The following PATJ variants were observed in gnomAD, a reference collection of about 807,000 sequenced individuals.
PATJ encodes inaD-like protein.
A neutral mutation model predicts 224.9 loss-of-function variants in PATJ; 190 were observed. That is an observed-to-expected ratio of 0.84 (90% CI 0.75 to 0.95). PATJ has a LOEUF of 0.95. PATJ is among the 40% of genes least tolerant of loss of function. PATJ has a pLI of 0.00. For synonymous variants in PATJ, 769 were observed against 820.3 expected (o/e 0.94, Z 1.07); for missense variants, 2,121 against 2,270.3 (o/e 0.93, Z 1.34).
At chr1:61,791,964 AG>A (rs1649964535) in intron 9 of PATJ, among the ~76,000 whole-genome samples, 1 of 152,206 alleles carries the variant, frequency 6.6e-6, no homozygotes. Flanking sequence ...CTATCTGCAA[AG>A]CTTTGGTAAC....
intron 31 of PATJ, among the ~76,000 whole-genome samples, chr1:62,055,103 G>T (rs1654322598): frequency 6.6e-6 from 1 of 152,060 alleles, no homozygotes; most frequent in African/African-American, 2.4e-5. Context: ...GTGTTTAGTT[G>T]GTTTGTGATC....
intron 17 of PATJ, among the ~76,000 whole-genome samples, chr1:61,853,934 G>A (rs1439593135): frequency 2.0e-5 from 3 of 152,090 alleles, no homozygotes; most frequent in Non-Finnish European, 4.4e-5. Context: ...TTGACTCGGG[G>A]GTAGAAAGGC....
At chr1:62,137,323 G>A (rs1667012805) in intron 41 of PATJ, among the ~76,000 whole-genome samples, 2 of 147,884 alleles carry the variant, frequency 1.4e-5, no homozygotes, top group East Asian at 4.1e-4. Context: ...GAACCCTGTT[G>A]GAGAAACAGT....
At chr1:61,793,903 A>AT (rs35202164) in intron 9 of PATJ, among the ~76,000 whole-genome samples, 43,775 of 136,974 alleles carry the variant, frequency 0.32, 7,281 homozygotes, top group East Asian at 0.49. Flanking sequence ...TTCTTCTACA[A>AT]TTTTTTTTTT....
intron 1 of PATJ, among the ~76,000 whole-genome samples, chr1:61,753,249 C>A (rs1335515118): frequency 6.6e-6 from 1 of 152,058 alleles, no homozygotes; most frequent in East Asian, 1.9e-4. Context: ...TTTTCAAACT[C>A]CCTGGTTCAA....
rs574376703 is a variant in PATJ at position 61,951,191 on chromosome 1, G to A, written c.3670+23362G>A. Among the ~76,000 whole-genome samples the A allele has an allele frequency of 8.8e-3, 1,314 of 148,486 alleles. 7 individuals carry two copies. The highest frequency in any genetic ancestry group is 0.018 in the Middle Eastern group (5 of 284). On this transcript the variant is annotated intron_variant, in intron 27 of 43. Coordinates refer to ENST00000642238, the MANE Select transcript of PATJ (RefSeq NM_001350145.3). Reference sequence around the variant, plus strand: ...GCAACTCTGTCTAAAAAAAAAAAAAGGAAAAAAAAAGTTATTTAGTAGAAT... The same window carrying A: ...GCAACTCTGTCTAAAAAAAAAAAAAAGAAAAAAAAAGTTATTTAGTAGAAT...
At chr1:61,811,372 G>T (rs1292503785) in intron 14 of PATJ, among the ~76,000 whole-genome samples, 3 of 151,876 alleles carry the variant, frequency 2.0e-5, no homozygotes, top group Non-Finnish European at 4.4e-5. Flanking sequence ...GGGATTATAG[G>T]TGCCCACCAC....
At chr1:62,074,700 A>G (rs1658006198) in intron 31 of PATJ, among the ~76,000 whole-genome samples, 1 of 152,234 alleles carries the variant, frequency 6.6e-6, no homozygotes, top group Non-Finnish European at 1.5e-5. Context: ...ACAGTGGCTC[A>G]TGCCTGTAAT....
intron 30 of PATJ, among the ~76,000 whole-genome samples, chr1:62,041,364 T>G: frequency 6.6e-6 from 1 of 152,158 alleles, no homozygotes; most frequent in Non-Finnish European, 1.5e-5. Flanking sequence ...CTTTTTAGAG[T>G]GGCATATTCT....
chr1:61,806,291 C>A (rs569356528), intron 13 of PATJ, among the ~76,000 whole-genome samples: 3 of 152,262 alleles, frequency 2.0e-5, no homozygotes, highest in Non-Finnish European at 2.9e-5. Flanking sequence ...GATTACCTAA[C>A]CACCATCTGT....
intron 31 of PATJ, among the ~76,000 whole-genome samples, chr1:62,071,488 C>T (rs369369067): frequency 2.6e-4 from 34 of 131,108 alleles, no homozygotes; most frequent in African/African-American, 9.2e-4. Flanking sequence ...GTTTGTAGAT[C>T]ACTTTTTTTT....
chr1:61,802,634 A>G (rs754584183), intron 12 of PATJ, among the ~76,000 whole-genome samples: 1 of 152,124 alleles, frequency 6.6e-6, no homozygotes, highest in Non-Finnish European at 1.5e-5. Flanking sequence ...CACATATAGC[A>G]TATGTTTCTT....
chr1:61,775,978 A>C (rs983389954), intron 7 of PATJ, among the ~76,000 whole-genome samples: 6 of 152,262 alleles, frequency 3.9e-5, no homozygotes, highest in African/African-American at 1.4e-4. Flanking sequence ...AACTTTAGTT[A>C]TTCCCATAAT....
At chr1:62,145,883 G>A (rs2666468) in intron 41 of PATJ, among the ~76,000 whole-genome samples, 106,762 of 151,096 alleles carry the variant, frequency 0.71, 37,794 homozygotes, top group Admixed American at 0.76. Flanking sequence ...GCTTGAACCC[G>A]GGAGGCAGAG....
At chr1:62,008,726 G>A (rs764333508) in intron 28 of PATJ, among the ~76,000 whole-genome samples, 3 of 152,146 alleles carry the variant, frequency 2.0e-5, no homozygotes, top group Non-Finnish European at 4.4e-5. Flanking sequence ...TCCAGCCTGG[G>A]CGACAGAGCA....
Position 62,071,620 on chromosome 1 carries a change from A to C in PATJ, c.4126-7830A>C, listed in dbSNP as rs1287302328. Among the ~76,000 whole-genome samples the C allele has an allele frequency of 3.3e-5, 5 of 151,004 alleles. No individual in the cohort carries two copies. The Admixed American group carries it at 3.3e-4, about 10-fold the overall frequency. On this transcript the variant is annotated intron_variant, in intron 31 of 43. Coordinates refer to ENST00000642238, the MANE Select transcript of PATJ (RefSeq NM_001350145.3). ...GCAATTCTTCTGCCTCAGACTCCCG[A>C]GTAACTGGGATTACAGGCACCCAGC...
intron 34 of PATJ, 25 bp downstream of exon 34, chr1:62,108,545 A>G: frequency 7.0e-7 from 1 of 1,421,358 alleles, no homozygotes; most frequent in Non-Finnish European, 9.9e-7. Flanking sequence ...ATTTTATTTT[A>G]TATCAGTAAA....
intron 27 of PATJ, among the ~76,000 whole-genome samples, chr1:61,928,426 G>C (rs1433556290): frequency 6.6e-6 from 1 of 152,136 alleles, no homozygotes; most frequent in African/African-American, 2.4e-5. Flanking sequence ...TTAGATAGTG[G>C]TGATGGTTGT....
At chr1:61,752,602 A>G (rs370007638) in intron 1 of PATJ, among the ~76,000 whole-genome samples, 2 of 152,314 alleles carry the variant, frequency 1.3e-5, no homozygotes, top group East Asian at 3.9e-4. Flanking sequence ...CTGGGATTAC[A>G]GGGGTGAGCC....
Sources: allele counts gnomAD v4.1 joint callset (sites outside exome capture counted in the v4.1 genomes callset), GRCh38; gene constraint gnomAD v4.1.1; transcripts MANE v1.5; gene names NCBI Gene and HGNC (gene_info 2026-07-23, HGNC 2026-07-21).